DIP2C: variants seen among roughly 807,000 people sequenced by gnomAD.
DIP2C encodes disco-interacting protein 2 homolog C.
In DIP2C, 33 loss-of-function variants were observed where a neutral mutation model predicts 192.4. The ratio of observed to expected loss-of-function variants is 0.17; its 90% confidence interval spans 0.13 to 0.23. The LOEUF (loss-of-function observed/expected upper bound fraction) is 0.23, where lower values mean the gene tolerates loss of function less well. DIP2C is among the 10% of genes least tolerant of loss of function. The pLI is 1.00. For missense variants in DIP2C, 1,537 were observed against 2,110.1 expected (o/e 0.73, Z 5.32); for synonymous variants, 979 against 864.1 (o/e 1.13, Z -2.33).
intron 4 of DIP2C, among the ~76,000 whole-genome samples, chr10:434,356 G>A (rs952370474): frequency 5.3e-5 from 8 of 152,070 alleles, no homozygotes; most frequent in Non-Finnish European, 8.8e-5. Context: ...ATAGCTCACC[G>A]CAGCCTTGAA....
chr10:325,234 C>T (rs1016454160), intron 31 of DIP2C, among the ~76,000 whole-genome samples: 3 of 151,924 alleles, frequency 2.0e-5, no homozygotes, highest in African/African-American at 7.3e-5. Context: ...CAATGCACTC[C>T]AGCCTGGGCA....
At chr10:669,013 G>C (rs545813688) in intron 1 of DIP2C, 1 of 152,138 alleles carries the variant, frequency 6.6e-6, no homozygotes, top group African/African-American at 2.4e-5. Flanking sequence ...GCAGAGCTCT[G>C]CTTCAATTAC....
At chr10:281,838 T>C (rs1174798772) in intron 35 of DIP2C, among the ~76,000 whole-genome samples, 4 of 152,234 alleles carry the variant, frequency 2.6e-5, no homozygotes, top group African/African-American at 9.6e-5. Flanking sequence ...TCATGAACAT[T>C]TCCTTAGCTC....
At chr10:504,309 G>A (rs1845439686) in intron 1 of DIP2C, among the ~76,000 whole-genome samples, 1 of 152,242 alleles carries the variant, frequency 6.6e-6, no homozygotes, top group Non-Finnish European at 1.5e-5. Context: ...CTGCCATGGG[G>A]CTCCCACCCC....
chr10:650,829 C>T (rs997598375), intron 1 of DIP2C: 6 of 711,776 alleles, frequency 8.4e-6, no homozygotes, highest in Non-Finnish European at 1.6e-5. Context: ...GTCCTCAGTT[C>T]TGCCTCAGCC....
At chr10:417,821 C>CT in intron 6 of DIP2C, among the ~76,000 whole-genome samples, 3 of 90,586 alleles carry the variant, frequency 3.3e-5, no homozygotes, top group African/African-American at 1.7e-4. Flanking sequence ...CCTGTCAGGG[C>CT]GCGGACAGGC....
chr10:584,977 ACG>A (rs1247863287), intron 1 of DIP2C, among the ~76,000 whole-genome samples: 1 of 136,098 alleles, frequency 7.3e-6, no homozygotes, highest in South Asian at 2.5e-4. Context: ...ACCCCCACTC[ACG>A]CGCATCACCT....
chr10:561,894 C>G (rs1418648236), intron 1 of DIP2C, among the ~76,000 whole-genome samples: 2 of 152,260 alleles, frequency 1.3e-5, no homozygotes, highest in Non-Finnish European at 2.9e-5. Context: ...CTGCACGAGT[C>G]ACGCGTGACA....
At chr10:328,915 G>A (rs1472286740) in intron 30 of DIP2C, among the ~76,000 whole-genome samples, 2 of 152,156 alleles carry the variant, frequency 1.3e-5, no homozygotes, top group East Asian at 3.8e-4. Flanking sequence ...TGGTTTAAAT[G>A]GAGGGAAATA....
chr10:557,559 C>CT (rs751781394), intron 1 of DIP2C, among the ~76,000 whole-genome samples: 2 of 149,258 alleles, frequency 1.3e-5, no homozygotes, highest in Non-Finnish European at 3.0e-5. Context: ...CCAGGACCCC[C>CT]TTTTCTTCAC....
At chr10:550,900 G>A (rs1003293632) in intron 1 of DIP2C, among the ~76,000 whole-genome samples, 2 of 152,170 alleles carry the variant, frequency 1.3e-5, no homozygotes, top group Non-Finnish European at 1.5e-5. Context: ...CTGCACACCC[G>A]ATGCGAACCG....
chr10:278,249 C>T (rs1195081381), intron 36 of DIP2C, among the ~76,000 whole-genome samples: 5 of 152,206 alleles, frequency 3.3e-5, no homozygotes, highest in Admixed American at 6.5e-5. Context: ...TGCTGAGGGC[C>T]GTGCGTGCGG....
Position 341,474 on chromosome 10 carries a change from T to G in DIP2C, c.3454-145A>C, listed in dbSNP as rs914713117. The G allele has an allele frequency of 2.0e-5, 23 of 1,155,888 alleles. No individual in the cohort carries two copies. In the African/African-American group the frequency reaches 2.3e-4, roughly 11 times the overall value. 71.6% of individuals were successfully genotyped at this position (1,155,888 alleles called of 1,614,324 possible). ...CACCCGGGACAATACGGGGCTGCAC[T>G]GAACGCAAGGCTGTTTTGAACGCAT... On this transcript the variant is annotated intron_variant, in intron 28 of 36. Coordinates refer to ENST00000280886, the MANE Select transcript of DIP2C (RefSeq NM_014974.3).
chr10:455,116 ACAG>A (rs1969181304), intron 3 of DIP2C, among the ~76,000 whole-genome samples: 1 of 152,230 alleles, frequency 6.6e-6, no homozygotes. Flanking sequence ...ACGTGGCTTC[ACAG>A]CAGCAGAGCA....
chr10:366,677 G>A (rs1033438152), intron 18 of DIP2C, among the ~76,000 whole-genome samples: 7 of 151,724 alleles, frequency 4.6e-5, no homozygotes, highest in East Asian at 1.9e-4. Context: ...ATTTAGGGGC[G>A]TGACATCATC....
intron 3 of DIP2C, among the ~76,000 whole-genome samples, chr10:459,978 G>A (rs1322248350): frequency 6.6e-6 from 1 of 151,122 alleles, no homozygotes; most frequent in African/African-American, 2.4e-5. Context: ...GTCACATCAG[G>A]GAACCACCTG....
In DIP2C at chr10:525,174, TTG is replaced by T. The variant is rs1416317197; in HGVS notation, c.86-38646_86-38645del. Among the ~76,000 whole-genome samples the T allele has an allele frequency of 4.6e-5, 7 of 152,310 alleles. No individual in the cohort carries two copies. The East Asian group carries it at 1.3e-3, about 29-fold the overall frequency. On this transcript the variant is annotated intron_variant, in intron 1 of 36. Coordinates refer to ENST00000280886, the MANE Select transcript of DIP2C (RefSeq NM_014974.3). ...CCTTAAAACCCACAGCATATCTCTT[TTG>T]TTTAAATGTACTTAATTTTATCACA...
At chr10:406,130 T>C (rs1964790636) in intron 9 of DIP2C, among the ~76,000 whole-genome samples, 1 of 152,248 alleles carries the variant, frequency 6.6e-6, no homozygotes, top group African/African-American at 2.4e-5. Context: ...AAACTTCAAG[T>C]ATCTGGAGGC....
At chr10:355,850 G>A (rs1372476816) in intron 24 of DIP2C, among the ~76,000 whole-genome samples, 3 of 152,230 alleles carry the variant, frequency 2.0e-5, no homozygotes, top group African/African-American at 7.2e-5. Flanking sequence ...GCCAAGGCAG[G>A]TGGATCACTC....
Sources: gnomAD v4.1 joint callset for allele counts (sites outside exome capture counted in the v4.1 genomes callset) on GRCh38, gnomAD v4.1.1 for gene constraint, MANE v1.5 for transcripts, NCBI Gene and HGNC (gene_info 2026-07-23, HGNC 2026-07-21) for gene names.